Variants in CHD7 observed in about 807,000 individuals in gnomAD.
CHD7 encodes the protein chromodomain helicase DNA binding protein 7, also known as ATP-dependent chromatin remodeler CHD7.
In CHD7, 24 loss-of-function variants were observed where a neutral mutation model predicts 307.3. The ratio of observed to expected loss-of-function variants is 0.08; its 90% confidence interval spans 0.06 to 0.11. CHD7 has a LOEUF of 0.11. Ranked by LOEUF, CHD7 falls within the 10% of genes least tolerant of loss-of-function variation. The pLI is 1.00. For missense variants in CHD7, 3,106 were observed against 3,727.1 expected, an observed-to-expected ratio of 0.83 and a Z score of 4.34; for synonymous variants, 1,363 against 1,349.9, an observed-to-expected ratio of 1.01 and a Z score of -0.21.
In CHD7 at chr8:60,822,009, C is replaced by T. The variant is rs1290283993; in HGVS notation, c.2836-15C>T. On this transcript the variant is annotated splice_polypyrimidine_tract_variant and intron_variant, in intron 10 of 37. Transcript: ENST00000423902. The stretch of plus-strand genomic sequence containing the variant: ...TTTGGGAAACCACTAATGGGATTTA[C>T]TATATTTGAAACAGGAGCGACCTCC... 6.2e-7 allele frequency: 1 copy of T among 1,613,438 alleles called. No homozygotes were observed. The highest frequency in any genetic ancestry group is 1.7e-5 in the Admixed American group (1 of 59,930).
chr8:60,688,597 A>G (rs939878464), intron 1 of CHD7, among the ~76,000 whole-genome samples: 6 of 152,176 alleles, frequency 3.9e-5, no homozygotes, highest in African/African-American at 1.4e-4. Context: ...TGTTGATTAT[A>G]TAGAGTTGAT....
intron 2 of CHD7, among the ~76,000 whole-genome samples, chr8:60,750,878 G>A (rs1809609385): frequency 6.6e-6 from 1 of 152,196 alleles, no homozygotes; most frequent in South Asian, 2.1e-4. Context: ...GTGTAATTAT[G>A]ACAGTCATCC....
intron 33 of CHD7, 119 bp downstream of exon 33, chr8:60,856,321 C>G (rs1257808396): frequency 8.0e-7 from 1 of 1,245,166 alleles, no homozygotes; most frequent in East Asian, 2.5e-5. Flanking sequence ...GTTTCCTCAG[C>G]TCTGTGCACC....
chr8:60,794,410 C>T (rs774775127), intron 3 of CHD7, among the ~76,000 whole-genome samples: 10 of 151,824 alleles, frequency 6.6e-5, no homozygotes, highest in Non-Finnish European at 8.8e-5. Flanking sequence ...CACGTAGCAC[C>T]AAAATAAAGC....
chr8:60,856,927 T>C (rs763117878), intron 34 of CHD7, 39 bp downstream of exon 34: 1 of 1,509,046 alleles, frequency 6.6e-7, no homozygotes, highest in Non-Finnish European at 8.9e-7. Flanking sequence ...ATTGCACGTG[T>C]TGACAGCTGA....
At chr8:60,783,392 T>C (rs562859440) in intron 3 of CHD7, among the ~76,000 whole-genome samples, 17 of 152,310 alleles carry the variant, frequency 1.1e-4, no homozygotes, top group African/African-American at 3.6e-4. Flanking sequence ...GTCTTCTTGG[T>C]GCAAATATAG....
At position 60,861,040 on chromosome 8, in the gene CHD7, G is replaced by C. The variant is rs1408626113; in HGVS notation, c.7745G>C (p.Gly2582Ala). Residue 2582 changes from glycine (G) to alanine (A), a missense_variant, in exon 35 of 38, where the codon GGG becomes GCG. Transcript: ENST00000423902. ...INLEDGTRLV[G>A]EDAPKNKDLV... Reference sequence around the variant, plus strand: ...CTTGAAGATGGGACTAGGCTGGTGGGGGAAGATGCTCCTAAAAATAAGGAT... The same window carrying C: ...CTTGAAGATGGGACTAGGCTGGTGGCGGAAGATGCTCCTAAAAATAAGGAT... 2 of 1,613,852 alleles carry C rather than the reference G, an allele frequency of 1.2e-6. No individual in the cohort carries two copies. Among genetic ancestry groups the C allele is most frequent in the Non-Finnish European group, 1.7e-6 (2 of 1,179,902 alleles).
At chr8:60,699,953 C>T (rs1806677056) in intron 1 of CHD7, among the ~76,000 whole-genome samples, 1 of 151,992 alleles carries the variant, frequency 6.6e-6, no homozygotes, top group Admixed American at 6.6e-5. Context: ...GCCTCAGCCT[C>T]CCGAGTAGCT....
At chr8:60,724,180 G>A (rs1314517664) in intron 1 of CHD7, among the ~76,000 whole-genome samples, 4 of 152,190 alleles carry the variant, frequency 2.6e-5, no homozygotes, top group African/African-American at 9.7e-5. Context: ...CAGCCTTCCT[G>A]TCCCTTTCAG....
chr8:60,800,522 G>A lies in CHD7; in HGVS notation c.2373G>A (p.Gln791=), dbSNP rs1191540205. Reference sequence around the variant, plus strand: ...CCTCCAACACCTCCCAGTCAGAACAGCAGGTTAGTACCAGATCTGTGGGAT... The same window carrying A: ...CCTCCAACACCTCCCAGTCAGAACAACAGGTTAGTACCAGATCTGTGGGAT... ...DSPSNTSQSE[Q]QESVDAEGPV... Residue 791 remains glutamine, a synonymous_variant, in exon 5 of 38, where the codon CAG becomes CAA. Transcript: ENST00000423902. The A allele has an allele frequency of 1.9e-6, 3 of 1,612,738 alleles. No homozygotes were observed. The highest frequency in any genetic ancestry group is 3.3e-4 in the Middle Eastern group (2 of 6,062).
intron 3 of CHD7, among the ~76,000 whole-genome samples, chr8:60,789,043 A>G (rs546415884): frequency 1.1e-4 from 17 of 151,878 alleles, no homozygotes; most frequent in African/African-American, 3.6e-4. Context: ...TTTCTTTTTC[A>G]TTGTCTAAAA....
intron 2 of CHD7, among the ~76,000 whole-genome samples, chr8:60,773,452 A>C (rs1310515093): frequency 6.6e-6 from 1 of 152,236 alleles, no homozygotes; most frequent in Non-Finnish European, 1.5e-5. Context: ...CAACAGAGAC[A>C]CATCAAAAGC....
intron 1 of CHD7, among the ~76,000 whole-genome samples, chr8:60,707,471 T>G (rs918207109): frequency 1.3e-5 from 2 of 152,234 alleles, no homozygotes; most frequent in Non-Finnish European, 2.9e-5. Flanking sequence ...GATGTCTGTC[T>G]TAATGTAACT....
intron 2 of CHD7, among the ~76,000 whole-genome samples, chr8:60,744,913 G>T (rs546407754): frequency 6.6e-6 from 1 of 150,878 alleles, no homozygotes; most frequent in African/African-American, 2.4e-5. Context: ...TAATACAGAG[G>T]CTCTGAAGCT....
chr8:60,752,633 T>A (rs1809695080), intron 2 of CHD7, among the ~76,000 whole-genome samples: 1 of 152,248 alleles, frequency 6.6e-6, no homozygotes, highest in African/African-American at 2.4e-5. Context: ...CTTAAAATTC[T>A]TATTGAATAT....
chr8:60,855,541 C>G (rs1805661750), intron 32 of CHD7, among the ~76,000 whole-genome samples: 1 of 152,212 alleles, frequency 6.6e-6, no homozygotes, highest in Non-Finnish European at 1.5e-5. Flanking sequence ...CTTCCTGGGA[C>G]TGCAATCCAG....
chr8:60,844,215 T>C (rs1283501959), intron 21 of CHD7, among the ~76,000 whole-genome samples: 1 of 152,224 alleles, frequency 6.6e-6, no homozygotes, highest in Non-Finnish European at 1.5e-5. Flanking sequence ...TCAGTCCCCA[T>C]GGTGTGTTGT....
intron 19 of CHD7, among the ~76,000 whole-genome samples, chr8:60,839,464 C>A (rs2150781919): frequency 6.6e-6 from 1 of 152,164 alleles, no homozygotes; most frequent in South Asian, 2.1e-4. Flanking sequence ...ATTGCTGGGT[C>A]CTATGTTAAC....
intron 1 of CHD7, among the ~76,000 whole-genome samples, chr8:60,718,004 CAG>C (rs1461310748): frequency 6.6e-6 from 1 of 151,992 alleles, no homozygotes; most frequent in Non-Finnish European, 1.5e-5. Context: ...GCAGGTCCTT[CAG>C]GGGATATTCC....
Sources: allele counts gnomAD v4.1 joint callset (sites outside exome capture counted in the v4.1 genomes callset), GRCh38; gene constraint gnomAD v4.1.1; transcripts MANE v1.5; gene names NCBI Gene and HGNC (gene_info 2026-07-23, HGNC 2026-07-21).